Variants in FRAS1 observed in about 807,000 individuals in gnomAD.
FRAS1 encodes the protein extracellular matrix organizing protein FRAS1.
FRAS1 carries 290 observed loss-of-function variants against 435.2 expected under a neutral mutation model. The ratio of observed to expected loss-of-function variants is 0.67; its 90% confidence interval spans 0.61 to 0.73. FRAS1 has a LOEUF of 0.73. FRAS1 is among the 30% of genes least tolerant of loss of function. The probability of loss-of-function intolerance (pLI) is 0.00; values close to 1 mark genes in which losing one functional copy is unlikely to be tolerated. For synonymous variants in FRAS1, 1,800 were observed against 1,851.0 expected (o/e 0.97, Z 0.71); for missense variants, 4,860 against 5,001.5 (o/e 0.97, Z 0.85).
chr4:78,130,818 T>C (rs1372850881), intron 2 of FRAS1, among the ~76,000 whole-genome samples: 1 of 152,210 alleles, frequency 6.6e-6, no homozygotes, highest in East Asian at 1.9e-4. Flanking sequence ...TCAGTGTTCT[T>C]AGGTCTCCTA....
At chr4:78,194,706 C>T (rs1348800869) in intron 2 of FRAS1, among the ~76,000 whole-genome samples, 1 of 152,054 alleles carries the variant, frequency 6.6e-6, no homozygotes, top group Non-Finnish European at 1.5e-5. Context: ...ACTTCTTTGC[C>T]ATGGGTTCAA....
At chr4:78,239,075 T>C (rs1369566969) in intron 3 of FRAS1, among the ~76,000 whole-genome samples, 1 of 152,246 alleles carries the variant, frequency 6.6e-6, no homozygotes, top group African/African-American at 2.4e-5. Flanking sequence ...AACAATAGCA[T>C]TGTATAGTTG....
At chr4:78,226,389 A>C (rs949073197) in intron 2 of FRAS1, among the ~76,000 whole-genome samples, 3 of 152,116 alleles carry the variant, frequency 2.0e-5, no homozygotes, top group Non-Finnish European at 1.5e-5. Context: ...TGAAGGTGAC[A>C]AATTCTCACT....
At chr4:78,303,364 C>A (rs1473740857) in intron 14 of FRAS1, among the ~76,000 whole-genome samples, 1 of 152,058 alleles carries the variant, frequency 6.6e-6, no homozygotes, top group Non-Finnish European at 1.5e-5. Context: ...TCCATATGAA[C>A]TTTAAAGTAG....
At chr4:78,275,543 C>G (rs1489486364) in intron 9 of FRAS1, among the ~76,000 whole-genome samples, 7 of 152,054 alleles carry the variant, frequency 4.6e-5, no homozygotes. Context: ...TTGCTTGTCT[C>G]TAAAGGATTT....
chr4:78,418,123 C>T (rs770574379), intron 32 of FRAS1, among the ~76,000 whole-genome samples: 8 of 152,190 alleles, frequency 5.3e-5, no homozygotes, highest in East Asian at 3.8e-4. Context: ...AAGCTACATT[C>T]GCATCAGCCG....
intron 61 of FRAS1, among the ~76,000 whole-genome samples, chr4:78,506,347 G>C (rs1047971060): frequency 6.6e-5 from 10 of 152,236 alleles, no homozygotes; most frequent in African/African-American, 1.9e-4. Context: ...GCTATGCCCT[G>C]CCCACAGAGG....
chr4:78,298,845 C>A (rs2110204123), intron 14 of FRAS1, among the ~76,000 whole-genome samples: 1 of 152,240 alleles, frequency 6.6e-6, no homozygotes, highest in Non-Finnish European at 1.5e-5. Context: ...AAAACATGGT[C>A]CCCATTTGGG....
At chr4:78,123,050 C>A (rs1194937919) in intron 2 of FRAS1, among the ~76,000 whole-genome samples, 2 of 152,086 alleles carry the variant, frequency 1.3e-5, no homozygotes, top group East Asian at 3.8e-4. Context: ...AAGGCTTTGC[C>A]CATGCCTATG....
At chr4:78,532,834 CTATT>C (rs1721758211) in intron 70 of FRAS1, among the ~76,000 whole-genome samples, 2 of 133,640 alleles carry the variant, frequency 1.5e-5, no homozygotes, top group South Asian at 6.0e-4. Context: ...TTAAGACTGA[CTATT>C]TAATTGTGTG....
At chr4:78,278,809 C>T (rs956266160) in intron 10 of FRAS1, 65 bp downstream of exon 10, 16 of 940,472 alleles carry the variant, frequency 1.7e-5, no homozygotes, top group South Asian at 2.8e-5. Flanking sequence ...AATGAGGGAA[C>T]ATTACCTTCT....
Position 78,245,276 on chromosome 4 carries a change from G to A in FRAS1, c.260G>A (p.Cys87Tyr). The A allele has an allele frequency of 1.2e-6, 2 of 1,609,580 alleles. No homozygotes were observed. The highest frequency in any genetic ancestry group is 1.7e-6 in the Non-Finnish European group (2 of 1,178,002). The change falls in exon 4 of 74, where the codon TGT (cysteine) becomes TAT (tyrosine). Residue 87 changes from cysteine (C) to tyrosine (Y), a missense_variant. By Grantham distance (194) the Cys-to-Tyr change is radical (BLOSUM62 -2). Coordinates refer to ENST00000512123, the MANE Select transcript of FRAS1 (RefSeq NM_025074.7). ...GCTGCCAACCAATGCTGTCCTGAGTGTGTTTTGAGGACTCCAGGATCTTGC... is the reference window on the plus strand; with the variant it reads ...GCTGCCAACCAATGCTGTCCTGAGTATGTTTTGAGGACTCCAGGATCTTGC... ...QIAANQCCPE[C>Y]VLRTPGSCHH...
At chr4:78,449,680 G>A (rs1207776904) in intron 44 of FRAS1, among the ~76,000 whole-genome samples, 2 of 152,114 alleles carry the variant, frequency 1.3e-5, no homozygotes, top group South Asian at 4.1e-4. Context: ...CTGTCCTGAA[G>A]GATGCTGATT....
intron 1 of FRAS1, among the ~76,000 whole-genome samples, chr4:78,058,390 CCA>C (rs1739579973): frequency 6.6e-6 from 1 of 152,054 alleles, no homozygotes; most frequent in Non-Finnish European, 1.5e-5. Context: ...TTTCTTTCCA[CCA>C]CCTACCTTTC....
rs188108654 is a variant in FRAS1, at chr4:78,284,691, A to C, written c.1399+143A>C. The C allele has an allele frequency of 5.5e-4, 381 of 692,536 alleles. 5 individuals carry two copies. The East Asian group carries it at 7.5e-3, about 14-fold the overall frequency. The allele number at this position is 692,536 out of a possible 1,614,324, so 42.9% of individuals were successfully genotyped here. On this transcript the variant is annotated intron_variant, in intron 13 of 73. Transcript: ENST00000512123. Reference sequence around the variant, plus strand: ...GTTTTTGAGATGCACAACGTCTAAAAACCTCTAGAAGGTAGTAATGTCATC... The same window carrying C: ...GTTTTTGAGATGCACAACGTCTAAACACCTCTAGAAGGTAGTAATGTCATC...
chr4:78,429,347 C>A, intron 36 of FRAS1, 121 bp downstream of exon 36: 1 of 1,252,688 alleles, frequency 8.0e-7, no homozygotes, highest in Non-Finnish European at 1.1e-6. Context: ...TGCCTGCATT[C>A]TCACCTGTAT....
intron 18 of FRAS1, among the ~76,000 whole-genome samples, chr4:78,325,670 C>A (rs79135355): frequency 0.028 from 4,312 of 152,216 alleles, 212 homozygotes; most frequent in African/African-American, 0.095. Context: ...ACAGGCCATG[C>A]CTGAAGGAAA....
intron 2 of FRAS1, among the ~76,000 whole-genome samples, chr4:78,081,169 A>G (rs6820468): frequency 0.81 from 123,310 of 152,022 alleles, 50,145 homozygotes; most frequent in East Asian, 0.96. Flanking sequence ...TGTAAAGGGC[A>G]ACAACAGGTT....
chr4:78,161,141 G>GA lies in FRAS1; in HGVS notation c.109-76359dup, dbSNP rs906132071. Among the ~76,000 whole-genome samples, 1,101 of 146,786 alleles carry GA rather than the reference G, an allele frequency of 7.5e-3. 17 individuals are homozygous for GA. Among genetic ancestry groups the GA allele is most frequent in the African/African-American group, 0.026 (1,036 of 40,072 alleles). On this transcript the variant is annotated intron_variant, in intron 2 of 73. Transcript: ENST00000512123. The stretch of plus-strand genomic sequence containing the variant: ...GAGACAGAGTGAGACTCTTTCTCAG[G>GA]AAAAAAAAAATCTATAAAAAGAAGC...
Sources: allele counts gnomAD v4.1 joint callset (sites outside exome capture counted in the v4.1 genomes callset), GRCh38; gene constraint gnomAD v4.1.1; transcripts MANE v1.5; gene names NCBI Gene and HGNC (gene_info 2026-07-23, HGNC 2026-07-21).